The following PDE2A variants were observed in gnomAD, a reference collection of about 807,000 sequenced individuals.
The protein encoded by PDE2A is cGMP-dependent 3',5'-cyclic phosphodiesterase.
In PDE2A, 53 loss-of-function variants were observed where a neutral mutation model predicts 133.6. The ratio of observed to expected loss-of-function variants is 0.40; its 90% CI spans 0.32 to 0.50. The LOEUF (loss-of-function observed/expected upper bound fraction) is 0.50, where lower values mean the gene tolerates loss of function less well. Among genes scored for constraint, PDE2A ranks in the 20% least tolerant of loss-of-function variants. The pLI is 0.73. For missense variants in PDE2A, 796 were observed against 1,232.4 expected (o/e 0.65, Z 5.30); for synonymous variants, 491 against 490.2 (o/e 1.00, Z -0.02).
At chr11:72,604,454 C>G (rs1256543926) in intron 4 of PDE2A, among the ~76,000 whole-genome samples, 1 of 152,194 alleles carries the variant, frequency 6.6e-6, no homozygotes, top group African/African-American at 2.4e-5. Context: ...TCAGTGATTC[C>G]AGCATTCTCT....
chr11:72,600,761 C>T (rs933541486), intron 4 of PDE2A, among the ~76,000 whole-genome samples: 8 of 152,132 alleles, frequency 5.3e-5, no homozygotes, highest in Non-Finnish European at 8.8e-5. Context: ...CTCCACAACC[C>T]AGGGCCAGCT....
Position 72,577,161 on chromosome 11 carries a change from T to C in PDE2A, c.*223A>G. ...GGGCCCACTGCTCATTGGTCACCCC[T>C]GTGCTCTCAGAAAACAAATTACAAA... On this transcript the variant is annotated 3_prime_UTR_variant, in exon 31 of 31. Transcript: ENST00000334456. 1 of 566,570 alleles carries C rather than the reference T, an allele frequency of 1.8e-6. No individual in the cohort carries two copies. The allele number at this position is 566,570 out of a possible 1,614,324, so 35.1% of individuals were successfully genotyped here.
rs1344145957 is a variant in PDE2A, at chr11:72,590,342, G to A, written c.703+85C>T. The A allele has an allele frequency of 1.3e-6, 2 of 1,534,830 alleles. No homozygotes were observed. The highest frequency in any genetic ancestry group is 2.4e-5 in the East Asian group (1 of 40,832). ...CAGCTCCGCGCCGGGCCCGCCGCCG[G>A]CTCCCGGGATCGCCTAACCCGCCCA... On this transcript the variant is annotated intron_variant, in intron 8 of 30. Transcript: ENST00000334456. This position sits in a 1 kb window ranked among gnomAD's most constrained non-coding sequence, Gnocchi z 4.8.
intron 2 of PDE2A, among the ~76,000 whole-genome samples, chr11:72,631,700 C>G (rs1858393093): frequency 6.6e-6 from 1 of 151,944 alleles, no homozygotes; most frequent in South Asian, 2.1e-4. Context: ...TGTATCCTAC[C>G]AGCACCACTT....
intron 2 of PDE2A, among the ~76,000 whole-genome samples, chr11:72,611,749 G>A (rs982010744): frequency 6.6e-6 from 1 of 152,180 alleles, no homozygotes; most frequent in Non-Finnish European, 1.5e-5. Flanking sequence ...AGGAATGGAG[G>A]GTGTTGGGTG....
In PDE2A at chr11:72,639,935, G is replaced by A. The variant is rs1243645907; in HGVS notation, c.144+2319C>T. On this transcript the variant is annotated intron_variant, in intron 2 of 30. Transcript: ENST00000334456. ...TGGGGACACCCACTATATTCCACAC[G>A]CCCCAAATGTTACAGACCTCATTCC... Among the ~76,000 whole-genome samples, 7 of 151,752 alleles carry A rather than the reference G, an allele frequency of 4.6e-5. No homozygotes were observed. In the East Asian group the frequency reaches 5.8e-4, roughly 13 times the overall value.
chr11:72,655,924 C>T (rs925757781), intron 1 of PDE2A, among the ~76,000 whole-genome samples: 1 of 152,112 alleles, frequency 6.6e-6, no homozygotes, highest in African/African-American at 2.4e-5. Flanking sequence ...TTGGCTCAGC[C>T]TCAGAGGAAG....
Position 72,581,918 on chromosome 11 carries a change from A to G in PDE2A, c.1881T>C (p.Asn627=). The change falls in exon 22 of 31, where the codon AAT becomes AAC. Residue 627 remains asparagine (N), a synonymous_variant. Coordinates refer to ENST00000334456, the MANE Select transcript of PDE2A (RefSeq NM_002599.5). ...AGTCAATTTTGTAGTTGTTGATGAAATTCATGTCCTGCAGCATGCTCAGGA... is the reference window on the plus strand; with the variant it reads ...AGTCAATTTTGTAGTTGTTGATGAAGTTCATGTCCTGCAGCATGCTCAGGA... ...MAILSMLQDM[N]FINNYKIDCP... is the part of the protein sequence containing the mutation. 6.2e-7 allele frequency: 1 copy of G among 1,614,074 alleles called. No homozygotes were observed. The highest frequency in any genetic ancestry group is 8.5e-7 in the Non-Finnish European group (1 of 1,180,002).
chr11:72,595,324 A>G (rs1368279417), intron 6 of PDE2A, among the ~76,000 whole-genome samples: 1 of 151,948 alleles, frequency 6.6e-6, no homozygotes, highest in East Asian at 1.9e-4. Flanking sequence ...GTGCCCCTCA[A>G]AGCTGACCAG....
At chr11:72,623,117 G>A (rs906296094) in intron 2 of PDE2A, among the ~76,000 whole-genome samples, 6 of 152,178 alleles carry the variant, frequency 3.9e-5, no homozygotes, top group South Asian at 2.1e-4. Flanking sequence ...CCAGGCTAAC[G>A]TCTTCACCTC....
intron 1 of PDE2A, among the ~76,000 whole-genome samples, chr11:72,655,985 G>T (rs766303570): frequency 5.3e-5 from 8 of 152,194 alleles, no homozygotes; most frequent in Non-Finnish European, 1.0e-4. Flanking sequence ...GCTGGGCAAG[G>T]CTGTGTGGGG....
chr11:72,616,211 A>C (rs895378342), intron 2 of PDE2A, among the ~76,000 whole-genome samples: 21 of 152,166 alleles, frequency 1.4e-4, no homozygotes, highest in Admixed American at 6.5e-5. Context: ...TGGATGAATG[A>C]CGAATGAATG....
At chr11:72,630,793 AACGGGAATTGTTGGGTGAGGGTGGGGAGG>A (rs1403705163) in intron 2 of PDE2A, among the ~76,000 whole-genome samples, 1 of 151,990 alleles carries the variant, frequency 6.6e-6, no homozygotes, top group African/African-American at 2.4e-5. Flanking sequence ...GCAGAGAATC[AACGGGAATTGTTGGGTGAGGGTGGGGAGG>A]ACAAGGGAGG....
intron 1 of PDE2A, among the ~76,000 whole-genome samples, chr11:72,646,917 G>A (rs980678582): frequency 6.6e-6 from 1 of 152,236 alleles, no homozygotes; most frequent in Non-Finnish European, 1.5e-5. Context: ...AAATTTGAAA[G>A]TTAGATCTTT....
At chr11:72,602,425 G>A (rs1352877255) in intron 4 of PDE2A, among the ~76,000 whole-genome samples, 2 of 152,024 alleles carry the variant, frequency 1.3e-5, no homozygotes, top group Non-Finnish European at 2.9e-5. Context: ...GCTGCTGTTT[G>A]CCCACAGTCC....
chr11:72,586,020 G>A, intron 14 of PDE2A, 50 bp downstream of exon 14: 1 of 1,127,386 alleles, frequency 8.9e-7, no homozygotes, highest in Non-Finnish European at 1.3e-6. Flanking sequence ...TCTCGGGGCT[G>A]AAAACTGAGC....
At position 72,631,171 on chromosome 11, in the gene PDE2A, C is replaced by T. The variant is rs557175323; in HGVS notation, c.144+11083G>A. 148 of 1,510,630 alleles carry T rather than the reference C, an allele frequency of 9.8e-5. 1 individual carries two copies. The highest frequency in any genetic ancestry group is 6.3e-4 in the Admixed American group (30 of 47,872). 93.6% of individuals were successfully genotyped at this position (1,510,630 alleles called of 1,614,324 possible). Reference sequence around the variant, plus strand: ...AGACAAGAAGGTCAGGGGCTGAGGCCGGCCAGGCCTTCTCCCCTTCTCCCC... The same window carrying T: ...AGACAAGAAGGTCAGGGGCTGAGGCTGGCCAGGCCTTCTCCCCTTCTCCCC... On this transcript the variant is annotated intron_variant, in intron 2 of 30. Transcript: ENST00000334456.
chr11:72,634,773 C>T (rs1331753024), intron 2 of PDE2A, among the ~76,000 whole-genome samples: 1 of 152,252 alleles, frequency 6.6e-6, no homozygotes, highest in East Asian at 1.9e-4. Flanking sequence ...ACCTGGGACT[C>T]CTTTCCTTGA....
rs375507082 is a variant in PDE2A at position 72,577,598 on chromosome 11, C to T, written c.2616-4G>A. On this transcript the variant is annotated splice_polypyrimidine_tract_variant and splice_region_variant and intron_variant, in intron 30 of 30. Coordinates refer to ENST00000334456, the MANE Select transcript of PDE2A (RefSeq NM_002599.5). ...GGGGAACAGGTCCTGCAACAGCCTG[C>T]GGGTGCATGGGGGGCAGAGGGCGAG... 1.1e-4 allele frequency: 166 copies of T among 1,541,292 alleles called. No homozygotes were observed. The East Asian group carries it at 1.8e-3, about 16-fold the overall frequency.
Sources: allele counts gnomAD v4.1 joint callset (sites outside exome capture counted in the v4.1 genomes callset), GRCh38; gene constraint gnomAD v4.1.1; non-coding constraint Gnocchi (gnomAD v3.1); transcripts MANE v1.5; gene names NCBI Gene and HGNC (gene_info 2026-07-23, HGNC 2026-07-21).